The following GNG4 variants were observed in gnomAD, a reference collection of about 807,000 sequenced individuals.
GNG4 encodes guanine nucleotide-binding protein G(I)/G(S)/G(O) subunit gamma-4.
Under a neutral mutation model 5.8 loss-of-function variants are expected in GNG4, and 4 were observed. That is an observed-to-expected ratio of 0.69 (90% CI 0.34 to 1.57). The LOEUF (loss-of-function observed/expected upper bound fraction) is 1.57, where lower values mean the gene tolerates loss of function less well. GNG4 is among the 40% of genes most tolerant of loss of function. The probability of loss-of-function intolerance (pLI) is 0.06; values close to 1 mark genes in which losing one functional copy is unlikely to be tolerated. For missense variants in GNG4, 96 were observed against 95.1 expected (o/e 1.01, Z -0.04); for synonymous variants, 29 against 32.9 (o/e 0.88, Z 0.41).
intron 3 of GNG4, among the ~76,000 whole-genome samples, chr1:235,582,867 G>A (rs902850902): frequency 5.3e-5 from 8 of 152,152 alleles, no homozygotes; most frequent in African/African-American, 1.9e-4. Context: ...AGAGCTCCAG[G>A]GGAAAAGAAT....
At chr1:235,578,872 C>T (rs923366454) in intron 3 of GNG4, among the ~76,000 whole-genome samples, 1 of 152,032 alleles carries the variant, frequency 6.6e-6, no homozygotes, top group African/African-American at 2.4e-5. Flanking sequence ...CCAAGGCAGG[C>T]GGATCACCTG....
Position 235,580,849 on chromosome 1 carries a change from T to C in GNG4, c.99+2891A>G, listed in dbSNP as rs1206950197. Among the ~76,000 whole-genome samples, 4 of 151,616 alleles carry C rather than the reference T, an allele frequency of 2.6e-5. No individual in the cohort carries two copies. The East Asian group carries it at 7.9e-4, about 30-fold the overall frequency. ...CACTGCAAACTCCACCTCCTGGGTT[T>C]AAGTGATTCTTCTGCCTTAGCCTCC... On this transcript the variant is annotated intron_variant, in intron 3 of 3. Coordinates refer to ENST00000391854, the MANE Select transcript of GNG4 (RefSeq NM_001098722.2).
At chr1:235,624,059 G>T (rs575877059) in intron 1 of GNG4, among the ~76,000 whole-genome samples, 12 of 151,978 alleles carry the variant, frequency 7.9e-5, no homozygotes, top group African/African-American at 2.7e-4. Flanking sequence ...GGCTCTAGCA[G>T]TCCCTTCAAA....
At chr1:235,599,703 T>C (rs1282521454) in intron 1 of GNG4, among the ~76,000 whole-genome samples, 1 of 152,202 alleles carries the variant, frequency 6.6e-6, no homozygotes, top group Non-Finnish European at 1.5e-5. Context: ...TCCTGCCTTA[T>C]GCAGGGTCCA....
intron 3 of GNG4, among the ~76,000 whole-genome samples, chr1:235,577,565 C>G (rs1315478124): frequency 6.6e-6 from 1 of 152,178 alleles, no homozygotes; most frequent in African/African-American, 2.4e-5. Context: ...CTCAGCCTCC[C>G]AAGTAGCTGC....
rs542378342 is a variant in GNG4, at chr1:235,587,257, A to G, written c.-10-3409T>C. Among the ~76,000 whole-genome samples, 14 of 65,392 alleles carry G rather than the reference A, an allele frequency of 2.1e-4. 1 individual carries two copies. In the East Asian group the frequency reaches 9.1e-3, roughly 42 times the overall value. The allele number at this position is 65,392 out of a possible 152,430, so 42.9% of individuals were successfully genotyped here. A position where few individuals can be genotyped will look rare whatever the true frequency, so the allele number is the denominator to read the frequency against. On this transcript the variant is annotated intron_variant, in intron 2 of 3. Transcript: ENST00000391854. Reference sequence around the variant, plus strand: ...TGTGTGAGGTGGGGTGTGTGTGATGACAGTGTATGTGAGTGTGTGTGAAGG... The same window carrying G: ...TGTGTGAGGTGGGGTGTGTGTGATGGCAGTGTATGTGAGTGTGTGTGAAGG...
intron 1 of GNG4, among the ~76,000 whole-genome samples, 182 bp from the exon 2 acceptor site, chr1:235,595,693 C>G (rs1211736553): frequency 1.3e-5 from 2 of 152,146 alleles, no homozygotes; most frequent in African/African-American, 4.8e-5. Flanking sequence ...AGAGAACCCT[C>G]AGATCTGACC....
At position 235,617,781 on chromosome 1, in the gene GNG4, A is replaced by T. The variant is rs575902627; in HGVS notation, c.-122-22270T>A. 5.3e-5 allele frequency among the ~76,000 whole-genome samples: 8 copies of T among 150,264 alleles called. No individual in the cohort carries two copies. The South Asian group carries it at 1.7e-3, about 33-fold the overall frequency. On this transcript the variant is annotated intron_variant, in intron 1 of 3. Coordinates refer to ENST00000391854, the MANE Select transcript of GNG4 (RefSeq NM_001098722.2). ...GCACCTGTAGTTCCAGCTATTTGGG[A>T]GGCTGAGGCATGAGAATTGCTTGAA... is the stretch of plus-strand genomic sequence containing the variant.
intron 3 of GNG4, among the ~76,000 whole-genome samples, chr1:235,580,634 C>A (rs1257662747): frequency 6.6e-6 from 1 of 152,170 alleles, no homozygotes; most frequent in Non-Finnish European, 1.5e-5. Context: ...CTGGCCTACT[C>A]CCTGGAATTA....
intron 1 of GNG4, among the ~76,000 whole-genome samples, chr1:235,611,210 C>T (rs914264943): frequency 6.6e-6 from 1 of 151,778 alleles, no homozygotes; most frequent in Admixed American, 6.6e-5. Flanking sequence ...CTCCGTCACC[C>T]AGGCTGGAGT....
At chr1:235,645,595 C>T (rs1377992554) in intron 1 of GNG4, among the ~76,000 whole-genome samples, 1 of 151,928 alleles carries the variant, frequency 6.6e-6, no homozygotes, top group African/African-American at 2.4e-5. Flanking sequence ...GTCAGGAGTT[C>T]GAGACCAGCC....
intron 1 of GNG4, among the ~76,000 whole-genome samples, chr1:235,627,211 T>TTTTG (rs1177054877): frequency 7.9e-5 from 12 of 151,720 alleles, no homozygotes; most frequent in Admixed American, 6.6e-5. Context: ...TGACATAGTT[T>TTTTG]TTTGTTTGTT....
At chr1:235,640,172 G>A (rs1322304474) in intron 1 of GNG4, among the ~76,000 whole-genome samples, 1 of 152,132 alleles carries the variant, frequency 6.6e-6, no homozygotes, top group Admixed American at 6.5e-5. Context: ...GGTGTTGCAG[G>A]CACATCATGC....
chr1:235,594,177 A>G (rs567422873), intron 2 of GNG4, among the ~76,000 whole-genome samples: 30 of 152,316 alleles, frequency 2.0e-4, no homozygotes, highest in African/African-American at 6.0e-4. Context: ...AGTCCCCACC[A>G]GCGTAGCTAG....
At chr1:235,587,103 C>T (rs566775753) in intron 2 of GNG4, among the ~76,000 whole-genome samples, 33 of 150,686 alleles carry the variant, frequency 2.2e-4, no homozygotes, top group Non-Finnish European at 3.2e-4. Flanking sequence ...GAGGGCTCTG[C>T]ACTGTGTGTG....
At chr1:235,568,391 G>T (rs1338689415) in intron 3 of GNG4, among the ~76,000 whole-genome samples, 1 of 152,084 alleles carries the variant, frequency 6.6e-6, no homozygotes, top group Admixed American at 6.5e-5. Context: ...GACTGAGCAG[G>T]CATTTTCTCA....
chr1:235,579,862 A>AAAAAAAAAAAAT lies in GNG4; in HGVS notation c.99+3877_99+3878insATTTTTTTTTTT, dbSNP rs57019025. 9.0e-3 allele frequency among the ~76,000 whole-genome samples: 979 copies of AAAAAAAAAAAAT among 108,498 alleles called. 81 individuals carry two copies. The highest frequency in any genetic ancestry group is 0.034 in the African/African-American group (888 of 25,966). The allele number at this position is 108,498 out of a possible 152,430, so 71.2% of individuals were successfully genotyped here. On this transcript the variant is annotated intron_variant, in intron 3 of 3. Coordinates refer to ENST00000391854, the MANE Select transcript of GNG4 (RefSeq NM_001098722.2). ...TGAGACTCCATCTCTCAAAAAAAAAAAGGTAAAAAGGTTGAACATAGAGTT... is the reference window on the plus strand; with the variant it reads ...TGAGACTCCATCTCTCAAAAAAAAAAAAAAAAAAAAATAGGTAAAAAGGTTGAACATAGAGTT...
At chr1:235,565,223 C>T (rs1460278600) in intron 3 of GNG4, among the ~76,000 whole-genome samples, 1 of 152,032 alleles carries the variant, frequency 6.6e-6, no homozygotes, top group Non-Finnish European at 1.5e-5. Flanking sequence ...TGGCAGTTGG[C>T]CCAGCGCAGT....
At chr1:235,591,709 AC>A (rs773676656) in intron 2 of GNG4, among the ~76,000 whole-genome samples, 14 of 152,218 alleles carry the variant, frequency 9.2e-5, no homozygotes, top group Non-Finnish European at 2.1e-4. Flanking sequence ...GCTACCGGCA[AC>A]ACTGACTGGG....
Sources: gnomAD v4.1 joint callset for allele counts (sites outside exome capture counted in the v4.1 genomes callset) on GRCh38, gnomAD v4.1.1 for gene constraint, MANE v1.5 for transcripts, NCBI Gene and HGNC (gene_info 2026-07-23, HGNC 2026-07-21) for gene names.